KIF13A: variants seen among roughly 807,000 people sequenced by gnomAD.
KIF13A encodes kinesin family member 13A, also known as kinesin-like protein KIF13A.
In KIF13A, 79 loss-of-function variants were observed where a neutral mutation model predicts 212.2. That is an observed-to-expected ratio of 0.37 (90% CI 0.31 to 0.45). KIF13A has a LOEUF of 0.45. KIF13A is among the 20% of genes least tolerant of loss of function. KIF13A has a pLI of 1.00. For synonymous variants in KIF13A, 789 were observed against 808.6 expected (o/e 0.98, Z 0.41); for missense variants, 1,901 against 2,209.0 (o/e 0.86, Z 2.79).
chr6:17,964,730 TG>T (rs554550842), intron 2 of KIF13A, among the ~76,000 whole-genome samples: 173 of 152,330 alleles, frequency 1.1e-3, no homozygotes, highest in African/African-American at 3.9e-3. Flanking sequence ...AAATTTTTCA[TG>T]GGCTTAGGTC....
intron 25 of KIF13A, among the ~76,000 whole-genome samples, chr6:17,792,872 A>C (rs765073055): frequency 1.2e-4 from 19 of 152,334 alleles, no homozygotes; most frequent in Admixed American, 2.0e-4. Flanking sequence ...TAGAAGAGAA[A>C]ACATCCTCAA....
chr6:17,981,049 C>G (rs1781026302), intron 2 of KIF13A, among the ~76,000 whole-genome samples: 1 of 149,126 alleles, frequency 6.7e-6, no homozygotes, highest in Non-Finnish European at 1.5e-5. Context: ...TAAACACAGC[C>G]TTTATAAATT....
In KIF13A at chr6:17,871,536, G is replaced by C. The variant is rs561275223; in HGVS notation, c.220+1841C>G. On this transcript the variant is annotated intron_variant, in intron 4 of 38. Coordinates refer to ENST00000259711, the MANE Select transcript of KIF13A (RefSeq NM_022113.6). The surrounding 1 kb of genome is among the most constrained non-coding windows in gnomAD (Gnocchi z 4.4). ...GGGCTGCACACACACAGTGGGTTGGGGGGGGAGTCATGAATACTTAAAAAA... is the reference window on the plus strand; with the variant it reads ...GGGCTGCACACACACAGTGGGTTGGCGGGGGAGTCATGAATACTTAAAAAA... Among the ~76,000 whole-genome samples the C allele has an allele frequency of 1.1e-4, 16 of 152,230 alleles. No homozygotes were observed. The East Asian group carries it at 1.2e-3, about 11-fold the overall frequency.
At chr6:17,889,146 A>AT (rs1771811584) in intron 3 of KIF13A, among the ~76,000 whole-genome samples, 1 of 152,218 alleles carries the variant, frequency 6.6e-6, no homozygotes, top group African/African-American at 2.4e-5. Flanking sequence ...ATAAAGTTGC[A>AT]TTTCAGATGG....
At chr6:17,791,681 A>G (rs558094127) in intron 25 of KIF13A, among the ~76,000 whole-genome samples, 2 of 152,212 alleles carry the variant, frequency 1.3e-5, no homozygotes, top group African/African-American at 4.8e-5. Context: ...CAGGCGGATC[A>G]TTTGAGGTGA....
At position 17,951,524 on chromosome 6, in the gene KIF13A, A is replaced by G. The variant is rs77607279; in HGVS notation, c.146+35530T>C. 1,060 of 430,272 alleles carry G rather than the reference A, an allele frequency of 2.5e-3. 15 individuals are homozygous for G. Among genetic ancestry groups the G allele is most frequent in the African/African-American group, 0.019 (916 of 49,076 alleles). The allele number at this position is 430,272 out of a possible 1,614,324, so 26.7% of individuals were successfully genotyped here. ...AGTGTCCAATTCAGTGATTTTTAGC[A>G]TATTCACAGAGTTATGTGGCTATCA... On this transcript the variant is annotated intron_variant, in intron 2 of 38. Transcript: ENST00000259711. The surrounding 1 kb of genome is among the most constrained non-coding windows in gnomAD (Gnocchi z 4.9).
In KIF13A at chr6:17,766,217, A is replaced by ATTT. The variant is rs1306706199; in HGVS notation, c.4582-1272_4582-1271insAAA. ...TTATTAATTTACTTATTTTATTTTT[A>ATTT]AGATTTATTTATTTATTTATTTATT... On this transcript the variant is annotated intron_variant, in intron 38 of 38. Transcript: ENST00000259711. Among the ~76,000 whole-genome samples the ATTT allele has an allele frequency of 3.1e-3, 263 of 84,550 alleles. 2 individuals carry two copies. The highest frequency in any genetic ancestry group is 0.013 in the African/African-American group (253 of 19,232). 55.5% of individuals were successfully genotyped at this position (84,550 alleles called of 152,430 possible). A position where few individuals can be genotyped will look rare whatever the true frequency, so the allele number is the denominator to read the frequency against.
rs1392935158 is a variant in KIF13A at position 17,888,140 on chromosome 6, AATG to A, written c.159+10025_159+10027del. 1.3e-5 allele frequency among the ~76,000 whole-genome samples: 2 copies of A among 152,158 alleles called. No individual in the cohort carries two copies. Among genetic ancestry groups the A allele is most frequent in the African/African-American group, 4.8e-5 (2 of 41,430 alleles). On this transcript the variant is annotated intron_variant, in intron 3 of 38. Coordinates refer to ENST00000259711, the MANE Select transcript of KIF13A (RefSeq NM_022113.6). The surrounding 1 kb of genome is among the most constrained non-coding windows in gnomAD (Gnocchi z 4.8). ...CAAGACACAAAGTACTGAAGTAGTG[AATG>A]ATGATGTTACCATAATCTATTTTCC...
In KIF13A at chr6:17,968,448, G is replaced by A. The variant is rs1343862878; in HGVS notation, c.146+18606C>T. On this transcript the variant is annotated intron_variant, in intron 2 of 38. Transcript: ENST00000259711. The surrounding 1 kb of genome is among the most constrained non-coding windows in gnomAD (Gnocchi z 4.7). Reference sequence around the variant, plus strand: ...CCCAACTACATCAGGTTGGTGTAGGGTCCATTCATCCAGTCTGGGACCACA... The same window carrying A: ...CCCAACTACATCAGGTTGGTGTAGGATCCATTCATCCAGTCTGGGACCACA... Among the ~76,000 whole-genome samples, 2 of 152,170 alleles carry A rather than the reference G, an allele frequency of 1.3e-5. No individual in the cohort carries two copies. Among genetic ancestry groups the A allele is most frequent in the African/African-American group, 4.8e-5 (2 of 41,424 alleles).
chr6:17,864,821 G>A (rs953151655), intron 4 of KIF13A, among the ~76,000 whole-genome samples: 1 of 152,170 alleles, frequency 6.6e-6, no homozygotes, highest in Admixed American at 6.5e-5. Context: ...TAACACCCTT[G>A]GGTGTCCACA....
chr6:17,905,873 G>T (rs1773452432), intron 2 of KIF13A, among the ~76,000 whole-genome samples: 2 of 152,180 alleles, frequency 1.3e-5, no homozygotes, highest in Non-Finnish European at 2.9e-5. Flanking sequence ...TAGGGATGAG[G>T]TTTTGCAGGA....
Position 17,855,708 on chromosome 6 carries a change from T to G in KIF13A, c.314-91A>C. Reference sequence around the variant, plus strand: ...ACAAGGTTTCCCCATATACTGGCCATGGTAACATAGCAGAAGAGTGGCCAA... The same window carrying G: ...ACAAGGTTTCCCCATATACTGGCCAGGGTAACATAGCAGAAGAGTGGCCAA... On this transcript the variant is annotated intron_variant, in intron 5 of 38. Transcript: ENST00000259711. The surrounding 1 kb of genome is among the most constrained non-coding windows in gnomAD (Gnocchi z 4.1). The G allele has an allele frequency of 1.2e-5, 12 of 1,007,396 alleles. No individual in the cohort carries two copies. The highest frequency in any genetic ancestry group is 2.3e-4 in the Middle Eastern group (1 of 4,410). The allele number at this position is 1,007,396 out of a possible 1,614,324, so 62.4% of individuals were successfully genotyped here.
chr6:17,819,132 T>C (rs1764211928), intron 16 of KIF13A, among the ~76,000 whole-genome samples: 1 of 151,562 alleles, frequency 6.6e-6, no homozygotes, highest in Admixed American at 6.6e-5. Context: ...CCCCAGTAGC[T>C]GGGACTACAG....
intron 4 of KIF13A, 177 bp downstream of exon 4, chr6:17,873,200 G>A: frequency 3.8e-6 from 2 of 531,238 alleles, no homozygotes; most frequent in Non-Finnish European, 6.6e-6. Flanking sequence ...ACAAGTAAGT[G>A]GCAGACCCAG....
Position 17,773,609 on chromosome 6 carries a change from T to G in KIF13A, c.4219-26A>C. On this transcript the variant is annotated intron_variant, in intron 35 of 38. Transcript: ENST00000259711. This position sits in a 1 kb window ranked among gnomAD's most constrained non-coding sequence, Gnocchi z 4.2. Reference sequence around the variant, plus strand: ...CTACAAGGTAAAAATATGGGTTAACTGTAATTGAATCACTCCAAAATAAGA... The same window carrying G: ...CTACAAGGTAAAAATATGGGTTAACGGTAATTGAATCACTCCAAAATAAGA... 1 of 1,343,134 alleles carries G rather than the reference T, an allele frequency of 7.4e-7. No homozygotes were observed. Among genetic ancestry groups the G allele is most frequent in the Non-Finnish European group, 1.1e-6 (1 of 945,604 alleles). The allele number at this position is 1,343,134 out of a possible 1,614,324, so 83.2% of individuals were successfully genotyped here.
Position 17,800,086 on chromosome 6 carries a change from T to A in KIF13A, c.2482A>T (p.Met828Leu). The A allele has an allele frequency of 6.2e-7, 1 of 1,613,886 alleles. No individual in the cohort carries two copies. Among genetic ancestry groups the A allele is most frequent in the South Asian group, 1.1e-5 (1 of 91,072 alleles). The change falls in exon 21 of 39, where the codon ATG (methionine) becomes TTG (leucine). Residue 828 changes from methionine to leucine, a missense_variant. Transcript: ENST00000259711. ...EVAGRLHVEV[M>L]RVTGAVPERV... ...TCTGGAACAGCTCCTGTAACACGCA[T>A]CACTTCCACGTGGAGACGCCCTGCA...
intron 2 of KIF13A, among the ~76,000 whole-genome samples, chr6:17,903,491 G>C (rs1395999749): frequency 6.6e-6 from 1 of 152,112 alleles, no homozygotes; most frequent in African/African-American, 2.4e-5. Flanking sequence ...AACAAAAAAA[G>C]GTTGCTATTA....
intron 2 of KIF13A, among the ~76,000 whole-genome samples, chr6:17,932,420 C>T (rs181196112): frequency 2.0e-5 from 3 of 152,284 alleles, no homozygotes; most frequent in Admixed American, 6.5e-5. Context: ...CATTTAGTAA[C>T]GTTGCGACCT....
intron 18 of KIF13A, among the ~76,000 whole-genome samples, chr6:17,806,677 C>T (rs954791807): frequency 1.3e-5 from 2 of 151,940 alleles, no homozygotes; most frequent in Non-Finnish European, 2.9e-5. Flanking sequence ...GTCAGGAGTT[C>T]GAGACCAGCC....
Sources: gnomAD v4.1 joint callset for allele counts (sites outside exome capture counted in the v4.1 genomes callset) on GRCh38, gnomAD v4.1.1 for gene constraint, Gnocchi (gnomAD v3.1) non-coding constraint, MANE v1.5 for transcripts, NCBI Gene and HGNC (gene_info 2026-07-23, HGNC 2026-07-21) for gene names.